Variants in VPS13B observed in about 807,000 individuals in gnomAD.
VPS13B encodes the protein intermembrane lipid transfer protein VPS13B.
In VPS13B, 285 loss-of-function variants were observed where a neutral mutation model predicts 426.4. The ratio of observed to expected loss-of-function variants is 0.67; its 90% CI spans 0.61 to 0.74. VPS13B has a LOEUF of 0.74. VPS13B is among the 30% of genes least tolerant of loss of function. The pLI is 0.00. For missense variants in VPS13B, 4,537 were observed against 4,782.6 expected, an observed-to-expected ratio of 0.95 and a Z score of 1.51; for synonymous variants, 1,676 against 1,676.4, an observed-to-expected ratio of 1.00 and a Z score of 0.01.
chr8:99,557,392 A>T (rs1009227786), intron 31 of VPS13B, among the ~76,000 whole-genome samples: 1 of 151,742 alleles, frequency 6.6e-6, no homozygotes, highest in Non-Finnish European at 1.5e-5. Context: ...AGAATATATG[A>T]TACTTGGTTT....
chr8:99,849,353 T>G (rs912319889), intron 55 of VPS13B, among the ~76,000 whole-genome samples: 5 of 152,220 alleles, frequency 3.3e-5, no homozygotes, highest in Admixed American at 1.3e-4. Flanking sequence ...TTAATATCCT[T>G]AATTTAAAAG....
intron 33 of VPS13B, among the ~76,000 whole-genome samples, chr8:99,640,093 AAAGAAAAGAAAAGAAAAG>A (rs1476296915): frequency 4.0e-5 from 6 of 150,412 alleles, no homozygotes; most frequent in Admixed American, 3.3e-4. Flanking sequence ...AAAGAAAAGA[AAAGAAAAGAAAAGAAAAG>A]AAGAAGAAGC....
chr8:99,310,782 C>T (rs989466543), intron 19 of VPS13B, among the ~76,000 whole-genome samples: 1 of 152,038 alleles, frequency 6.6e-6, no homozygotes, highest in Non-Finnish European at 1.5e-5. Flanking sequence ...CTCCTTGTAC[C>T]TCTGGTAGAA....
intron 21 of VPS13B, among the ~76,000 whole-genome samples, chr8:99,397,057 T>C (rs1814763681): frequency 6.6e-6 from 1 of 152,198 alleles, no homozygotes; most frequent in Admixed American, 6.5e-5. Context: ...TTACAGATAA[T>C]AAAAGGCTTT....
intron 2 of VPS13B, among the ~76,000 whole-genome samples, chr8:99,034,611 A>G (rs1235684032): frequency 3.3e-5 from 5 of 151,956 alleles, no homozygotes; most frequent in Non-Finnish European, 7.4e-5. Context: ...CCAGTAATAT[A>G]TATGTGAGAC....
chr8:99,187,229 G>C (rs377214679), intron 16 of VPS13B, among the ~76,000 whole-genome samples: 3 of 151,966 alleles, frequency 2.0e-5, no homozygotes, highest in Non-Finnish European at 4.4e-5. Context: ...AGGGGCGGGG[G>C]GCGGTTCAGG....
intron 19 of VPS13B, among the ~76,000 whole-genome samples, chr8:99,348,825 TA>T (rs1029336001): frequency 6.6e-6 from 1 of 152,156 alleles, no homozygotes; most frequent in African/African-American, 2.4e-5. Flanking sequence ...AATATATAGT[TA>T]AAATAATTTA....
intron 35 of VPS13B, among the ~76,000 whole-genome samples, chr8:99,677,461 A>G (rs1387250195): frequency 6.6e-6 from 1 of 152,252 alleles, no homozygotes; most frequent in Non-Finnish European, 1.5e-5. Flanking sequence ...AGTAAACTTG[A>G]TGTCAGAATG....
At chr8:99,356,177 T>C (rs1812172440) in intron 19 of VPS13B, among the ~76,000 whole-genome samples, 1 of 152,224 alleles carries the variant, frequency 6.6e-6, no homozygotes, top group African/African-American at 2.4e-5. Flanking sequence ...GCACTTTTAC[T>C]TGTAATTTAG....
rs1439498209 is a variant in VPS13B, at chr8:99,642,650, GT to G, written c.5908+155del. ...AGTTCATGTTCCACAGCTGAATCCT[GT>G]TTAAGTAAATGTTTGAAATGTATTG... On this transcript the variant is annotated intron_variant, in intron 34 of 61. Transcript: ENST00000357162. The G allele has an allele frequency of 5.8e-5, 40 of 695,568 alleles. No homozygotes were observed. The South Asian group carries it at 7.3e-4, about 13-fold the overall frequency. 43.1% of individuals were successfully genotyped at this position (695,568 alleles called of 1,614,324 possible). A position where few individuals can be genotyped will look rare whatever the true frequency, so the allele number is the denominator to read the frequency against.
intron 23 of VPS13B, among the ~76,000 whole-genome samples, chr8:99,464,275 A>T (rs1342438593): frequency 6.6e-6 from 1 of 152,190 alleles, no homozygotes; most frequent in Non-Finnish European, 1.5e-5. Flanking sequence ...GAAAACAAAG[A>T]AAACTGAGGA....
At chr8:99,191,040 G>GTT (rs112065243) in intron 16 of VPS13B, among the ~76,000 whole-genome samples, 1 of 148,696 alleles carries the variant, frequency 6.7e-6, no homozygotes, top group Non-Finnish European at 1.5e-5. Flanking sequence ...ATTTTTGAAA[G>GTT]TTTTTTTTTT....
chr8:99,128,947 G>C (rs1809599017), intron 8 of VPS13B, among the ~76,000 whole-genome samples: 1 of 151,834 alleles, frequency 6.6e-6, no homozygotes, highest in Non-Finnish European at 1.5e-5. Flanking sequence ...AGACCAGCCT[G>C]GCCAATATGG....
At chr8:99,070,220 A>G (rs1047410522) in intron 3 of VPS13B, among the ~76,000 whole-genome samples, 4 of 152,116 alleles carry the variant, frequency 2.6e-5, no homozygotes, top group African/African-American at 9.7e-5. Flanking sequence ...GGCCCCATGA[A>G]ATTTTTTTTA....
intron 17 of VPS13B, among the ~76,000 whole-genome samples, chr8:99,202,658 A>G (rs1814399928): frequency 6.6e-6 from 1 of 152,172 alleles, no homozygotes; most frequent in East Asian, 1.9e-4. Context: ...AACTATTCCA[A>G]ACAACAGAAA....
rs542837215 is a variant in VPS13B at position 99,083,422 on chromosome 8, C to T, written c.292-12890C>T. 5.3e-5 allele frequency among the ~76,000 whole-genome samples: 8 copies of T among 152,162 alleles called. No individual in the cohort carries two copies. The East Asian group carries it at 5.8e-4, about 11-fold the overall frequency. ...TGCAAACAGGGACAATTTGACTTCCCCTTTTCCTAATTGAATACCCTTTAT... is the reference window on the plus strand; with the variant it reads ...TGCAAACAGGGACAATTTGACTTCCTCTTTTCCTAATTGAATACCCTTTAT... On this transcript the variant is annotated intron_variant, in intron 3 of 61. Transcript: ENST00000357162.
At chr8:99,319,937 C>G (rs957159184) in intron 19 of VPS13B, among the ~76,000 whole-genome samples, 4 of 152,084 alleles carry the variant, frequency 2.6e-5, no homozygotes, top group African/African-American at 9.7e-5. Flanking sequence ...CTTTTATGCA[C>G]CACTTTTTCA....
intron 23 of VPS13B, among the ~76,000 whole-genome samples, chr8:99,444,668 T>C (rs1158719291): frequency 6.6e-6 from 1 of 152,124 alleles, no homozygotes; most frequent in Non-Finnish European, 1.5e-5. Context: ...ATATTTTATT[T>C]CTTTTTATTT....
intron 39 of VPS13B, among the ~76,000 whole-genome samples, chr8:99,736,411 A>G (rs1833832998): frequency 6.6e-6 from 1 of 152,136 alleles, no homozygotes; most frequent in South Asian, 2.1e-4. Context: ...CGTCTCTACT[A>G]AAAATATGAA....
Sources: gnomAD v4.1 joint callset for allele counts (sites outside exome capture counted in the v4.1 genomes callset) on GRCh38, gnomAD v4.1.1 for gene constraint, MANE v1.5 for transcripts, NCBI Gene and HGNC (gene_info 2026-07-23, HGNC 2026-07-21) for gene names.